Variants in DSCAM observed in about 807,000 individuals in gnomAD.
The protein encoded by DSCAM is DS cell adhesion molecule, also known as cell adhesion molecule DSCAM.
A neutral mutation model predicts 217.7 loss-of-function variants in DSCAM; 47 were observed. That is an observed-to-expected ratio of 0.22 (90% CI 0.17 to 0.28). The LOEUF is 0.28. Ranked by LOEUF, DSCAM falls within the 10% of genes least tolerant of loss-of-function variation. The pLI is 1.00. For missense variants in DSCAM, 2,080 were observed against 2,618.3 expected (o/e 0.79, Z 4.49); for synonymous variants, 1,056 against 1,015.3 (o/e 1.04, Z -0.76).
chr21:40,793,305 T>C (rs1190976937), intron 1 of DSCAM, among the ~76,000 whole-genome samples: 23 of 152,084 alleles, frequency 1.5e-4, no homozygotes, highest in Admixed American at 1.5e-3. Flanking sequence ...AAGATCATGA[T>C]CTCATTAATT....
chr21:40,748,263 G>C (rs942165997), intron 1 of DSCAM, among the ~76,000 whole-genome samples: 1 of 151,936 alleles, frequency 6.6e-6, no homozygotes, highest in South Asian at 2.1e-4. Context: ...ATTAAGAAAA[G>C]AGGGAGTCAA....
chr21:40,590,044 C>T (rs768986970), intron 3 of DSCAM, among the ~76,000 whole-genome samples: 13 of 152,158 alleles, frequency 8.5e-5, no homozygotes, highest in Non-Finnish European at 1.5e-4. Context: ...TGTCTTCAAT[C>T]AATGGGAATT....
In DSCAM at chr21:40,594,063, GC is replaced by G. The variant is rs928741093; in HGVS notation, c.508+98746del. Among the ~76,000 whole-genome samples the G allele has an allele frequency of 8.5e-5, 13 of 152,162 alleles. No homozygotes were observed. The East Asian group carries it at 2.1e-3, about 25-fold the overall frequency. ...GAAACAAAATTCTGCTTTCTTACAAGCCCCTTTTCAGTTAATCTCAGGTGGC... is the reference window on the plus strand; with the variant it reads ...GAAACAAAATTCTGCTTTCTTACAAGCCCTTTTCAGTTAATCTCAGGTGGC... On this transcript the variant is annotated intron_variant, in intron 3 of 32. Transcript: ENST00000400454.
At chr21:40,563,791 TTTATATATAG>T (rs1256339414) in intron 3 of DSCAM, among the ~76,000 whole-genome samples, 19 of 148,514 alleles carry the variant, frequency 1.3e-4, no homozygotes, top group Non-Finnish European at 2.7e-4. Context: ...TGTTTATATG[TTTATATATAG>T]TTATATGTGT....
rs542429535 is a variant in DSCAM, at chr21:40,240,575, T to C, written c.2356+35522A>G. The stretch of plus-strand genomic sequence containing the variant: ...CTTATATTTTCCAGCCTTCACGTTT[T>C]TGTTCAGGCTGTTCCCAATGTCAGA... On this transcript the variant is annotated intron_variant, in intron 11 of 32. Transcript: ENST00000400454. 1.5e-3 allele frequency among the ~76,000 whole-genome samples: 225 copies of C among 152,276 alleles called. 3 individuals carry two copies. Among genetic ancestry groups the C allele is most frequent in the South Asian group, 7.5e-3 (36 of 4,830 alleles).
intron 16 of DSCAM, among the ~76,000 whole-genome samples, chr21:40,165,432 A>C (rs1019559617): frequency 1.3e-5 from 2 of 152,234 alleles, no homozygotes; most frequent in African/African-American, 4.8e-5. Flanking sequence ...GCCATGCCAC[A>C]AAGGCCCACT....
intron 3 of DSCAM, among the ~76,000 whole-genome samples, chr21:40,424,530 G>A (rs556659966): frequency 6.6e-6 from 1 of 152,310 alleles, no homozygotes; most frequent in African/African-American, 2.4e-5. Context: ...GAACTGTCAG[G>A]GAGAACATGG....
chr21:40,525,051 G>C (rs1425439641), intron 3 of DSCAM, among the ~76,000 whole-genome samples: 1 of 144,970 alleles, frequency 6.9e-6, no homozygotes, highest in East Asian at 2.1e-4. Context: ...AGAAGACTGT[G>C]AAATTCAAAT....
intron 32 of DSCAM, among the ~76,000 whole-genome samples, chr21:40,039,056 T>G (rs2088688672): frequency 6.7e-6 from 1 of 149,046 alleles, no homozygotes. Flanking sequence ...CTGGGAGATA[T>G]ACCTAATGCT....
chr21:40,490,476 T>A (rs1278092396), intron 3 of DSCAM, among the ~76,000 whole-genome samples: 2 of 152,190 alleles, frequency 1.3e-5, no homozygotes, highest in Admixed American at 1.3e-4. Context: ...GGCTGATGGA[T>A]CACATACCAT....
intron 19 of DSCAM, among the ~76,000 whole-genome samples, chr21:40,128,124 T>G (rs932161179): frequency 6.6e-6 from 1 of 151,144 alleles, no homozygotes; most frequent in African/African-American, 2.4e-5. Context: ...CACAGTCCAC[T>G]CAGGGGTGAT....
At chr21:40,124,534 T>C (rs2090073588) in intron 19 of DSCAM, among the ~76,000 whole-genome samples, 1 of 152,148 alleles carries the variant, frequency 6.6e-6, no homozygotes, top group African/African-American at 2.4e-5. Flanking sequence ...GTAGGGTCTT[T>C]ACAGAGGTAA....
intron 30 of DSCAM, among the ~76,000 whole-genome samples, chr21:40,048,257 G>GCAAA (rs1041087108): frequency 1.3e-5 from 2 of 152,244 alleles, no homozygotes; most frequent in Admixed American, 6.5e-5. Flanking sequence ...TTCCTATGCA[G>GCAAA]CAAACATGAC....
intron 32 of DSCAM, among the ~76,000 whole-genome samples, chr21:40,021,188 A>AT (rs1383310792): frequency 7.0e-6 from 1 of 142,128 alleles, no homozygotes; most frequent in Non-Finnish European, 1.5e-5. Flanking sequence ...CCTGGGCGAT[A>AT]GAGCGAGACT....
chr21:40,017,238 G>A (rs780935504), intron 32 of DSCAM, among the ~76,000 whole-genome samples: 44 of 151,716 alleles, frequency 2.9e-4, no homozygotes, highest in African/African-American at 5.1e-4. Flanking sequence ...ATTTTTTTCC[G>A]CGAACAACAG....
At chr21:40,145,420 G>T (rs971394626) in intron 16 of DSCAM, among the ~76,000 whole-genome samples, 2 of 152,142 alleles carry the variant, frequency 1.3e-5, no homozygotes, top group Non-Finnish European at 2.9e-5. Flanking sequence ...GGAATGATTT[G>T]GGGGTGATTA....
chr21:40,609,244 C>T (rs769934511), intron 3 of DSCAM, among the ~76,000 whole-genome samples: 11 of 152,182 alleles, frequency 7.2e-5, no homozygotes, highest in African/African-American at 1.2e-4. Flanking sequence ...CATGAGCCAC[C>T]GCGCCCAGCC....
intron 8 of DSCAM, among the ~76,000 whole-genome samples, chr21:40,331,660 AAGG>A (rs2074379304): frequency 6.6e-6 from 1 of 152,046 alleles, no homozygotes; most frequent in Admixed American, 6.6e-5. Context: ...CTTCAATTTG[AAGG>A]AGGACATGGT....
At chr21:40,675,156 T>C (rs1166966771) in intron 3 of DSCAM, among the ~76,000 whole-genome samples, 1 of 152,150 alleles carries the variant, frequency 6.6e-6, no homozygotes. Context: ...TGTTGACGGA[T>C]GCCTCACATG....
Sources: allele counts gnomAD v4.1 joint callset (sites outside exome capture counted in the v4.1 genomes callset), GRCh38; gene constraint gnomAD v4.1.1; transcripts MANE v1.5; gene names NCBI Gene and HGNC (gene_info 2026-07-23, HGNC 2026-07-21).